SEL1L3: variants seen among roughly 807,000 people sequenced by gnomAD.
SEL1L3 encodes protein sel-1 homolog 3.
In SEL1L3, 76 loss-of-function variants were observed where a neutral mutation model predicts 142.8. The observed-to-expected ratio is 0.53, with a 90% CI of 0.44 to 0.64. The LOEUF (loss-of-function observed/expected upper bound fraction) is 0.64. Ranked by LOEUF, SEL1L3 falls within the 30% of genes least tolerant of loss-of-function variation. The pLI is 0.00. For missense variants in SEL1L3, 1,262 were observed against 1,381.7 expected (o/e 0.91, Z 1.37); for synonymous variants, 504 against 519.6 (o/e 0.97, Z 0.41).
the SEL1L3 span, among the ~76,000 whole-genome samples, chr4:25,717,869 C>T: frequency 6.6e-6 from 1 of 152,142 alleles, no homozygotes; most frequent in South Asian, 2.1e-4. Context: ...AAAGGTTAAA[C>T]AATCTTATGA....
At chr4:25,852,593 C>T (rs1716978901) in intron 1 of SEL1L3, among the ~76,000 whole-genome samples, 2 of 152,190 alleles carry the variant, frequency 1.3e-5, no homozygotes, top group African/African-American at 4.8e-5. Context: ...ACGCCTTATT[C>T]CAAAGCAATG....
intron 1 of SEL1L3, among the ~76,000 whole-genome samples, chr4:25,859,965 G>T (rs144119386): frequency 6.6e-6 from 1 of 152,106 alleles, no homozygotes. Flanking sequence ...CCCGTACATC[G>T]ATGAAGAATG....
chr4:25,854,659 G>A (rs11942730), intron 1 of SEL1L3, among the ~76,000 whole-genome samples: 19,726 of 152,184 alleles, frequency 0.13, 4,281 homozygotes, highest in African/African-American at 0.45. Context: ...TTCTCATATA[G>A]GAGAAACGGG....
chr4:25,753,482 C>T (rs1468149728), intron 23 of SEL1L3, among the ~76,000 whole-genome samples: 2 of 152,358 alleles, frequency 1.3e-5, no homozygotes, highest in Admixed American at 1.3e-4. Context: ...ATGGCTGCTA[C>T]ATGCACCCAT....
intron 13 of SEL1L3, among the ~76,000 whole-genome samples, chr4:25,785,586 T>C (rs1011808835): frequency 3.3e-5 from 5 of 152,168 alleles, no homozygotes; most frequent in African/African-American, 1.2e-4. Flanking sequence ...GACTTTAACT[T>C]GCTTATTTAA....
chr4:25,795,894 G>A (rs1346773187), intron 11 of SEL1L3, among the ~76,000 whole-genome samples: 2 of 151,328 alleles, frequency 1.3e-5, no homozygotes, highest in South Asian at 2.1e-4. Context: ...TTGTGGGCAG[G>A]AAAAGCCGGG....
At chr4:25,744,646 G>A (rs947554568), downstream of SEL1L3, among the ~76,000 whole-genome samples, 72 of 152,286 alleles carry the variant, frequency 4.7e-4, no homozygotes, top group African/African-American at 1.4e-3. Context: ...GAGCCACTGC[G>A]CGCTGGCACC....
At chr4:25,836,630 C>A (rs552449791) in intron 2 of SEL1L3, among the ~76,000 whole-genome samples, 3 of 152,016 alleles carry the variant, frequency 2.0e-5, no homozygotes, top group Admixed American at 6.5e-5. Flanking sequence ...CCAAACTGGG[C>A]GACAGAGCAA....
Position 25,819,797 on chromosome 4 carries a change from T to G in SEL1L3, c.1423+11A>C, listed in dbSNP as rs1714629381. ...GAGCTTAAAACAGCTCCCCTGAAGC[T>G]CAACACTTACATGCTTCTTGTCTCT... On this transcript the variant is annotated intron_variant, in intron 8 of 23. Transcript: ENST00000399878. The G allele has an allele frequency of 6.2e-7, 1 of 1,607,636 alleles. No homozygotes were observed. The highest frequency in any genetic ancestry group is 2.2e-5 in the East Asian group (1 of 44,698).
In SEL1L3 at chr4:25,847,448, G is replaced by T; in HGVS notation, c.579C>A (p.Asn193Lys). 1 of 1,614,012 alleles carries T rather than the reference G, an allele frequency of 6.2e-7. No individual in the cohort carries two copies. The highest frequency in any genetic ancestry group is 8.5e-7 in the Non-Finnish European group (1 of 1,179,878). Residue 193 changes from asparagine to lysine, a missense_variant, in exon 2 of 24, where the codon AAC (asparagine) becomes AAA (lysine). Asn to Lys is a moderately conservative substitution (Grantham distance 94). Around this residue, in one of 3 missense-constraint regions of SEL1L3, gnomAD observed 689 missense variants for 692.8 expected, o/e 0.99. Transcript: ENST00000399878. ...GRDWNVKWEENLLHAVAKNYT... is the reference protein window; with the variant it reads ...GRDWNVKWEEKLLHAVAKNYT... ...AATTCTTTGCTACAGCATGGAGCAA[G>T]TTTTCCTCCCATTTAACATTCCAGT...
intron 20 of SEL1L3, among the ~76,000 whole-genome samples, chr4:25,762,100 C>T (rs995724024): frequency 6.6e-6 from 1 of 152,154 alleles, no homozygotes; most frequent in African/African-American, 2.4e-5. Context: ...TGGTTTGCAC[C>T]ACCACGCCCA....
At chr4:25,757,292 A>G (rs1049512678) in intron 23 of SEL1L3, among the ~76,000 whole-genome samples, 2 of 151,954 alleles carry the variant, frequency 1.3e-5, no homozygotes, top group Admixed American at 6.6e-5. Flanking sequence ...AAAATAAAAA[A>G]TAAAATCCTT....
At chr4:25,745,025 GTTTGTTTT>G (rs150721423), downstream of SEL1L3, among the ~76,000 whole-genome samples, 4,960 of 152,260 alleles carry the variant, frequency 0.033, 263 homozygotes, top group African/African-American at 0.11. Context: ...TTGTTTGTTT[GTTTGTTTT>G]TTAAGAAATT....
At chr4:25,789,222 AT>A (rs1308725918) in intron 12 of SEL1L3, among the ~76,000 whole-genome samples, 1 of 152,024 alleles carries the variant, frequency 6.6e-6, no homozygotes, top group Middle Eastern at 3.2e-3. Flanking sequence ...CCCAATACTT[AT>A]AACTTCCAGC....
rs374537106 is a variant in SEL1L3 at position 25,761,780 on chromosome 4, TATC to T, written c.2956-2715_2956-2713del. 3.5e-3 allele frequency among the ~76,000 whole-genome samples: 538 copies of T among 152,312 alleles called. 1 individual carries two copies. The highest frequency in any genetic ancestry group is 6.5e-3 in the Admixed American group (100 of 15,294). On this transcript the variant is annotated intron_variant, in intron 20 of 23. Transcript: ENST00000399878. ...TAAAAACAGTAAGAAAGTATCAACA[TATC>T]ATTATTCAATTAGCAAAATTAAATC... is the stretch of plus-strand genomic sequence containing the variant.
At chr4:25,819,075 C>G (rs1413706955) in intron 8 of SEL1L3, among the ~76,000 whole-genome samples, 1 of 152,220 alleles carries the variant, frequency 6.6e-6, no homozygotes, top group East Asian at 1.9e-4. Flanking sequence ...AGGAATTTCT[C>G]TTCCAGAAGG....
chr4:25,809,111 A>G (rs1005701918), intron 9 of SEL1L3, among the ~76,000 whole-genome samples: 1 of 148,414 alleles, frequency 6.7e-6, no homozygotes, highest in African/African-American at 2.5e-5. Flanking sequence ...CTTTCTATGT[A>G]CTGGGTAAAT....
At chr4:25,784,662 T>C (rs1006595007) in intron 13 of SEL1L3, among the ~76,000 whole-genome samples, 12 of 152,194 alleles carry the variant, frequency 7.9e-5, no homozygotes, top group African/African-American at 2.9e-4. Flanking sequence ...ACTTTATCTG[T>C]GTTGGACAGT....
the SEL1L3 span, among the ~76,000 whole-genome samples, chr4:25,741,888 A>T: frequency 1.3e-5 from 2 of 151,864 alleles, no homozygotes; most frequent in African/African-American, 2.4e-5. Context: ...GACTCACTGC[A>T]ACCTCTGCCT....
Sources: allele counts gnomAD v4.1 joint callset (sites outside exome capture counted in the v4.1 genomes callset), GRCh38; gene constraint gnomAD v4.1.1; regional missense constraint gnomAD v4.1.1; transcripts MANE v1.5; gene names NCBI Gene and HGNC (gene_info 2026-07-23, HGNC 2026-07-21).